The following NCR1 variants were observed in gnomAD, a reference collection of about 807,000 sequenced individuals.
The protein encoded by NCR1 is natural cytotoxicity triggering receptor 1.
NCR1 carries 30 observed loss-of-function variants against 32.5 expected under a neutral mutation model. The ratio of observed to expected loss-of-function variants is 0.92; its 90% confidence interval spans 0.69 to 1.25. NCR1 has a LOEUF of 1.25. NCR1 is among the 50% of genes most tolerant of loss of function. The pLI is 0.00. For missense variants in NCR1, 369 were observed against 380.7 expected (o/e 0.97, Z 0.26); for synonymous variants, 169 against 143.4 (o/e 1.18, Z -1.28).
chr19:54,915,575 C>T (rs753643712), downstream of NCR1, among the ~76,000 whole-genome samples: 63 of 152,124 alleles, frequency 4.1e-4, no homozygotes, highest in Admixed American at 7.9e-4. Flanking sequence ...TCACTTGAAC[C>T]CGGGAGGCAG....
At chr19:54,930,762 C>A in the NCR1 span, 2 of 1,031,200 alleles carry the variant, frequency 1.9e-6, no homozygotes, top group East Asian at 2.4e-5. Flanking sequence ...CACTTATATA[C>A]TGGAATGCAG....
intron 5 of NCR1, among the ~76,000 whole-genome samples, chr19:54,910,659 G>T (rs771348637): frequency 3.3e-5 from 5 of 152,098 alleles, no homozygotes; most frequent in Non-Finnish European, 5.9e-5. Context: ...AGTCAGCCAG[G>T]CAGATATCTT....
chr19:54,917,673 C>A (rs112198734), downstream of NCR1, among the ~76,000 whole-genome samples: 1 of 152,074 alleles, frequency 6.6e-6, no homozygotes, highest in Non-Finnish European at 1.5e-5. Flanking sequence ...GCTCTCCACT[C>A]CAGGGGACAT....
chr19:54,905,650 G>T (rs1389521152), upstream of NCR1, among the ~76,000 whole-genome samples: 3 of 152,172 alleles, frequency 2.0e-5, no homozygotes, highest in South Asian at 6.2e-4. Flanking sequence ...GGGAAAGGGA[G>T]AGATAAGGCT....
downstream of NCR1, among the ~76,000 whole-genome samples, chr19:54,919,441 G>GA (rs2068199269): frequency 9.4e-5 from 12 of 127,848 alleles, no homozygotes; most frequent in Middle Eastern, 3.6e-3. Context: ...AGGCAGAGAG[G>GA]GAGAGGAGAC....
chr19:54,912,944 G>C lies in NCR1; in HGVS notation c.*73G>C. On this transcript the variant is annotated 3_prime_UTR_variant, in exon 7 of 7. Coordinates refer to ENST00000291890, the MANE Select transcript of NCR1 (RefSeq NM_004829.7). ...GTTGAGCCTGGGCGGCGTGAGCTCT[G>C]TGTTGGACCCACGGAGGAGGGAGTC... 6.9e-7 allele frequency: 1 copy of C among 1,454,568 alleles called. No homozygotes were observed. Among genetic ancestry groups the C allele is most frequent in the Non-Finnish European group, 9.3e-7 (1 of 1,073,378 alleles). The allele number at this position is 1,454,568 out of a possible 1,614,324, so 90.1% of individuals were successfully genotyped here.
At chr19:54,934,664 G>GA in the NCR1 span, 6 of 1,611,236 alleles carry the variant, frequency 3.7e-6, no homozygotes, top group South Asian at 6.6e-5. This position sits in a 1 kb window ranked among gnomAD's most constrained non-coding sequence, Gnocchi z 6.7. Context: ...CCCAACCTGT[G>GA]AAAAGAGTGG....
chr19:54,929,918 T>G, the NCR1 span, among the ~76,000 whole-genome samples: 12 of 140,314 alleles, frequency 8.6e-5, no homozygotes, highest in Non-Finnish European at 1.9e-4. Flanking sequence ...ATCGAGACCA[T>G]CCTGGCTAAC....
intron 3 of NCR1, 65 bp downstream of exon 3, chr19:54,906,872 T>C (rs758596081): frequency 1.9e-6 from 3 of 1,567,210 alleles, no homozygotes; most frequent in Middle Eastern, 2.1e-4. Context: ...GCATCATCTA[T>C]GAACTCTTCC....
chr19:54,919,761 GTGT>G (rs1355541594), downstream of NCR1, among the ~76,000 whole-genome samples: 18 of 150,168 alleles, frequency 1.2e-4, no homozygotes, highest in Non-Finnish European at 1.8e-4. Context: ...TAAGTAGCGG[GTGT>G]TGTTAATTGA....
At chr19:54,934,422 G>C in the NCR1 span, 1 of 1,527,450 alleles carries the variant, frequency 6.5e-7, no homozygotes, top group South Asian at 1.1e-5. This position sits in a 1 kb window ranked among gnomAD's most constrained non-coding sequence, Gnocchi z 6.7. Context: ...AGTAAGTCAG[G>C]TGTTACCCTT....
At chr19:54,927,801 ACGCATTCAC>A in the NCR1 span, 1 of 1,606,034 alleles carries the variant, frequency 6.2e-7, no homozygotes, top group Non-Finnish European at 8.5e-7. Flanking sequence ...ATGGAAATCC[ACGCATTCAC>A]TGAGCAGGTA....
chr19:54,906,142 C>G (rs750217162), upstream of NCR1: 2 of 1,613,540 alleles, frequency 1.2e-6, no homozygotes, highest in Non-Finnish European at 1.7e-6. Context: ...CTGGCCCGCC[C>G]GGCTCAGTCC....
At chr19:54,927,705 G>A in the NCR1 span, 1 of 1,614,062 alleles carries the variant, frequency 6.2e-7, no homozygotes. Flanking sequence ...AGAGTTTCAA[G>A]CTTCTGATTG....
At chr19:54,919,383 T>C (rs2146113960), downstream of NCR1, among the ~76,000 whole-genome samples, 1 of 152,348 alleles carries the variant, frequency 6.6e-6, no homozygotes, top group East Asian at 1.9e-4. Flanking sequence ...TAAGGTCACG[T>C]GGGTCACGTG....
At chr19:54,905,094 A>C (rs2067498115), upstream of NCR1, among the ~76,000 whole-genome samples, 1 of 152,182 alleles carries the variant, frequency 6.6e-6, no homozygotes, top group African/African-American at 2.4e-5. Context: ...CTTTGGCTAT[A>C]TACCCAGCGA....
chr19:54,912,953 C>CTGT lies in NCR1; in HGVS notation c.*82_*83insTGT. On this transcript the variant is annotated 3_prime_UTR_variant, in exon 7 of 7. Coordinates refer to ENST00000291890, the MANE Select transcript of NCR1 (RefSeq NM_004829.7). ...GGGCGGCGTGAGCTCTGTGTTGGAC[C>CTGT]CACGGAGGAGGGAGTCACTGCAGGG... is the stretch of plus-strand genomic sequence containing the variant. 2 of 1,373,090 alleles carry CTGT rather than the reference C, an allele frequency of 1.5e-6. No homozygotes were observed. The highest frequency in any genetic ancestry group is 9.9e-7 in the Non-Finnish European group (1 of 1,007,240). 85.1% of individuals were successfully genotyped at this position (1,373,090 alleles called of 1,614,324 possible).
chr19:54,912,804 C>A lies in NCR1; in HGVS notation c.848C>A (p.Thr283Asn), dbSNP rs781688893. ...LVEDWLSRKR[T>N]RERASRASTW... ...GAAGACTGGCTCAGCAGGAAGAGGA[C>A]TAGAGAGCGAGCCAGCAGAGCTTCC... The change falls in exon 7 of 7, where the codon ACT (threonine) becomes AAT (asparagine). Residue 283 changes from threonine (T) to asparagine (N), a missense_variant. By Grantham distance (65) the Thr-to-Asn change is moderately conservative. Coordinates refer to ENST00000291890, the MANE Select transcript of NCR1 (RefSeq NM_004829.7). 1 of 1,613,812 alleles carries A rather than the reference C, an allele frequency of 6.2e-7. No individual in the cohort carries two copies. The highest frequency in any genetic ancestry group is 8.5e-7 in the Non-Finnish European group (1 of 1,179,988).
At chr19:54,902,372 T>C (rs913885549), upstream of NCR1, among the ~76,000 whole-genome samples, 1 of 151,736 alleles carries the variant, frequency 6.6e-6, no homozygotes, top group Non-Finnish European at 1.5e-5. Flanking sequence ...CGATCATGGC[T>C]CACTGCAGCT....
Sources: allele counts gnomAD v4.1 joint callset (sites outside exome capture counted in the v4.1 genomes callset), GRCh38; gene constraint gnomAD v4.1.1; non-coding constraint Gnocchi (gnomAD v3.1); transcripts MANE v1.5; gene names NCBI Gene and HGNC (gene_info 2026-07-23, HGNC 2026-07-21).